Variants in LRBA observed in about 807,000 individuals in gnomAD.
The protein encoded by LRBA is LPS responsive beige-like anchor protein.
A neutral mutation model predicts 330.0 loss-of-function variants in LRBA; 176 were observed. That is an observed-to-expected ratio of 0.53 (90% CI 0.47 to 0.60). The LOEUF is 0.60. LRBA is among the 20% of genes least tolerant of loss of function. LRBA has a pLI of 0.00. For missense variants in LRBA, 3,259 were observed against 3,444.8 expected, an observed-to-expected ratio of 0.95 and a Z score of 1.35; for synonymous variants, 1,230 against 1,193.0, an observed-to-expected ratio of 1.03 and a Z score of -0.64.
intron 37 of LRBA, among the ~76,000 whole-genome samples, chr4:150,609,008 A>G (rs1051884517): frequency 1.3e-5 from 2 of 152,188 alleles, no homozygotes; most frequent in Non-Finnish European, 2.9e-5. Context: ...TCATGTACTG[A>G]TGAACACTTG....
chr4:150,975,887 C>T (rs2149594441), intron 2 of LRBA, among the ~76,000 whole-genome samples: 1 of 152,066 alleles, frequency 6.6e-6, no homozygotes, highest in South Asian at 2.1e-4. Context: ...AGAGGCCGGG[C>T]GCAGTGGCTC....
At chr4:151,002,673 G>A (rs973584399) in intron 2 of LRBA, among the ~76,000 whole-genome samples, 30 of 151,228 alleles carry the variant, frequency 2.0e-4, no homozygotes, top group African/African-American at 7.1e-4. Context: ...TGAATAACAA[G>A]TTTACCAAAG....
At chr4:150,947,159 C>T (rs909176600) in intron 2 of LRBA, among the ~76,000 whole-genome samples, 6 of 150,944 alleles carry the variant, frequency 4.0e-5, no homozygotes, top group African/African-American at 1.5e-4. Flanking sequence ...AAAATTAATG[C>T]CAATTTTAAA....
At chr4:151,009,762 C>T (rs1363515325) in intron 2 of LRBA, among the ~76,000 whole-genome samples, 4 of 151,836 alleles carry the variant, frequency 2.6e-5, no homozygotes, top group South Asian at 2.1e-4. Flanking sequence ...GGGTGGATCA[C>T]GAGGTCAGGA....
intron 2 of LRBA, among the ~76,000 whole-genome samples, chr4:150,986,309 G>A (rs1176688877): frequency 1.3e-5 from 2 of 152,146 alleles, no homozygotes; most frequent in Admixed American, 6.5e-5. Context: ...AGGCAAGCGA[G>A]CATTACCACC....
intron 40 of LRBA, among the ~76,000 whole-genome samples, chr4:150,544,179 G>C (rs1189150656): frequency 6.6e-6 from 1 of 151,522 alleles, no homozygotes; most frequent in Admixed American, 6.6e-5. Context: ...CCAGACTGGA[G>C]TGCAGTGGTA....
At chr4:150,985,403 T>C (rs1741337463) in intron 2 of LRBA, among the ~76,000 whole-genome samples, 1 of 152,018 alleles carries the variant, frequency 6.6e-6, no homozygotes, top group Admixed American at 6.5e-5. Flanking sequence ...TCTATGTAAA[T>C]TGTACTGTAA....
intron 40 of LRBA, among the ~76,000 whole-genome samples, chr4:150,558,124 C>A (rs1040301259): frequency 1.3e-5 from 2 of 152,084 alleles, no homozygotes; most frequent in African/African-American, 4.8e-5. Flanking sequence ...GTCTCCAACT[C>A]CTAACCTCAA....
intron 31 of LRBA, among the ~76,000 whole-genome samples, chr4:150,813,450 T>C (rs1009075055): frequency 5.3e-5 from 8 of 152,104 alleles, no homozygotes; most frequent in African/African-American, 1.9e-4. Context: ...AATTAAAATT[T>C]GAAATTTGAA....
chr4:150,628,740 CA>C (rs2126659748), intron 37 of LRBA, among the ~76,000 whole-genome samples: 2 of 152,246 alleles, frequency 1.3e-5, no homozygotes, highest in South Asian at 4.1e-4. Flanking sequence ...GAACATAAGG[CA>C]ATAAAACCTA....
chr4:150,271,458 T>C (rs1746089489), intron 56 of LRBA, among the ~76,000 whole-genome samples: 1 of 149,336 alleles, frequency 6.7e-6, no homozygotes, highest in Non-Finnish European at 1.5e-5. Flanking sequence ...CAAGCTAAGA[T>C]CCACTGGCTT....
chr4:150,752,898 C>T (rs72959880), intron 35 of LRBA, among the ~76,000 whole-genome samples: 4,936 of 152,026 alleles, frequency 0.032, 220 homozygotes, highest in African/African-American at 0.11. Context: ...CTAGAATGTG[C>T]AAATAAAAAG....
intron 17 of LRBA, among the ~76,000 whole-genome samples, chr4:150,891,743 G>C (rs1412124552): frequency 6.6e-6 from 1 of 152,070 alleles, no homozygotes; most frequent in Non-Finnish European, 1.5e-5. Context: ...CACACTATTG[G>C]TTCTGTTTCC....
chr4:150,267,574 T>C (rs1745525681), intron 56 of LRBA, among the ~76,000 whole-genome samples: 1 of 152,050 alleles, frequency 6.6e-6, no homozygotes, highest in Non-Finnish European at 1.5e-5. Context: ...TAAAAATATC[T>C]CAAATCAATA....
chr4:150,355,706 AAATACATTTACTT>A (rs1390981512), intron 47 of LRBA, among the ~76,000 whole-genome samples: 1 of 152,078 alleles, frequency 6.6e-6, no homozygotes, highest in East Asian at 1.9e-4. Flanking sequence ...TCCTGACTTG[AAATACATTTACTT>A]ATAAGATGTA....
Position 150,458,209 on chromosome 4 carries a change from G to A in LRBA, c.6780+9464C>T, listed in dbSNP as rs371166712. Among the ~76,000 whole-genome samples, 22 of 151,862 alleles carry A rather than the reference G, an allele frequency of 1.4e-4. No homozygotes were observed. In the South Asian group the frequency reaches 1.5e-3, roughly 10 times the overall value. On this transcript the variant is annotated intron_variant, in intron 44 of 56. Coordinates refer to ENST00000651943, the MANE Select transcript of LRBA (RefSeq NM_001364905.1). The stretch of plus-strand genomic sequence containing the variant: ...CTAATGCTTAAAAGATGTAAGTTTC[G>A]AAACACAGCCATACAAAATAAATGG...
chr4:150,748,173 C>G (rs911478272), intron 35 of LRBA, among the ~76,000 whole-genome samples: 2 of 152,192 alleles, frequency 1.3e-5, no homozygotes, highest in African/African-American at 4.8e-5. Context: ...CTATTAAATA[C>G]ATCACATATA....
chr4:150,935,155 A>G (rs1487316869), intron 2 of LRBA, among the ~76,000 whole-genome samples: 2 of 145,288 alleles, frequency 1.4e-5, no homozygotes, highest in African/African-American at 5.1e-5. Flanking sequence ...CAGCCTGGTC[A>G]ACAAAGCAAA....
intron 35 of LRBA, among the ~76,000 whole-genome samples, chr4:150,752,354 CT>C (rs764821953): frequency 5.3e-5 from 8 of 152,078 alleles, no homozygotes; most frequent in Non-Finnish European, 8.8e-5. Context: ...CTCTCTGCAC[CT>C]TTCTCAGTTA....
Sources: allele counts gnomAD v4.1 joint callset (sites outside exome capture counted in the v4.1 genomes callset), GRCh38; gene constraint gnomAD v4.1.1; transcripts MANE v1.5; gene names NCBI Gene and HGNC (gene_info 2026-07-23, HGNC 2026-07-21).